Variants in DLG2 observed in about 807,000 individuals in gnomAD.
The protein encoded by DLG2 is discs large MAGUK scaffold protein 2.
In DLG2, 45 loss-of-function variants were observed where a neutral mutation model predicts 132.5. The ratio of observed to expected loss-of-function variants is 0.34; its 90% CI spans 0.27 to 0.44. DLG2 has a LOEUF of 0.44. Among genes scored for constraint, DLG2 ranks in the 20% least tolerant of loss-of-function variants. DLG2 has a pLI of 1.00. For missense variants in DLG2, 1,045 were observed against 1,196.9 expected, an observed-to-expected ratio of 0.87 and a Z score of 1.87; for synonymous variants, 424 against 419.6, an observed-to-expected ratio of 1.01 and a Z score of -0.13.
At chr11:84,823,727 A>ACTTCCAT (rs1376725268) in intron 6 of DLG2, among the ~76,000 whole-genome samples, 1 of 151,694 alleles carries the variant, frequency 6.6e-6, no homozygotes. Context: ...TTGGAATGTA[A>ACTTCCAT]CTTCCATCAT....
At chr11:83,883,437 T>C (rs7112497) in intron 15 of DLG2, among the ~76,000 whole-genome samples, 1 of 151,914 alleles carries the variant, frequency 6.6e-6, no homozygotes, top group African/African-American at 2.4e-5. Context: ...TTCTTTAAAT[T>C]TAGGTAAGAA....
intron 3 of DLG2, among the ~76,000 whole-genome samples, chr11:85,463,693 C>A (rs915618642): frequency 6.6e-6 from 1 of 151,976 alleles, no homozygotes; most frequent in African/African-American, 2.4e-5. Context: ...ATGACTTGAG[C>A]CCAGGAGTTC....
chr11:85,448,933 C>T (rs1027917840), intron 3 of DLG2, among the ~76,000 whole-genome samples: 4 of 152,152 alleles, frequency 2.6e-5, no homozygotes, highest in African/African-American at 9.7e-5. Context: ...CCCTCCTCCT[C>T]TTCCTTCCAC....
At chr11:85,254,229 G>A (rs940244445) in intron 4 of DLG2, among the ~76,000 whole-genome samples, 1 of 151,996 alleles carries the variant, frequency 6.6e-6, no homozygotes, top group Non-Finnish European at 1.5e-5. Flanking sequence ...AGTAAACTAA[G>A]GTACATATTA....
At chr11:83,715,107 G>T (rs187598225) in intron 18 of DLG2, among the ~76,000 whole-genome samples, 3 of 152,220 alleles carry the variant, frequency 2.0e-5, no homozygotes, top group Admixed American at 1.3e-4. Flanking sequence ...TCATGTCCTT[G>T]CAAGGACATG....
intron 3 of DLG2, among the ~76,000 whole-genome samples, chr11:85,507,489 T>C (rs571272602): frequency 6.6e-6 from 1 of 152,312 alleles, no homozygotes; most frequent in South Asian, 2.1e-4. Context: ...TGGTTGGATA[T>C]GAAATTCTGG....
chr11:85,235,543 T>C lies in DLG2; in HGVS notation c.186+49677A>G, dbSNP rs148419639. 2.2e-3 allele frequency among the ~76,000 whole-genome samples: 332 copies of C among 152,012 alleles called. 1 individual carries two copies. Among genetic ancestry groups the C allele is most frequent in the Non-Finnish European group, 2.1e-3 (141 of 67,904 alleles). Reference sequence around the variant, plus strand: ...CTTCCAAAAATGAACTGAAACCTAATGAATGAGTAGAATTTTAACAAGGGA... The same window carrying C: ...CTTCCAAAAATGAACTGAAACCTAACGAATGAGTAGAATTTTAACAAGGGA... On this transcript the variant is annotated intron_variant, in intron 4 of 27. Coordinates refer to ENST00000376104, the MANE Select transcript of DLG2 (RefSeq NM_001142699.3).
At chr11:85,258,505 C>G (rs933107757) in intron 4 of DLG2, among the ~76,000 whole-genome samples, 2 of 151,974 alleles carry the variant, frequency 1.3e-5, no homozygotes, top group African/African-American at 4.8e-5. Context: ...GAATACAAAC[C>G]CTTAAGGATC....
At chr11:85,552,302 A>G (rs1387067034) in intron 3 of DLG2, among the ~76,000 whole-genome samples, 3 of 151,598 alleles carry the variant, frequency 2.0e-5, no homozygotes, top group East Asian at 1.9e-4. Flanking sequence ...TGGAATACCC[A>G]AAAGAAATAA....
chr11:84,500,717 C>A (rs2099201655), intron 7 of DLG2, among the ~76,000 whole-genome samples: 1 of 152,036 alleles, frequency 6.6e-6, no homozygotes, highest in Non-Finnish European at 1.5e-5. Flanking sequence ...GCATCAATGC[C>A]CTCAAATCTC....
intron 7 of DLG2, among the ~76,000 whole-genome samples, chr11:84,386,539 A>G (rs1434860680): frequency 2.0e-5 from 3 of 152,090 alleles, no homozygotes; most frequent in Non-Finnish European, 2.9e-5. Flanking sequence ...AAGATTGTTG[A>G]TATTTATATT....
intron 4 of DLG2, among the ~76,000 whole-genome samples, chr11:85,268,555 A>G (rs1414189025): frequency 2.6e-5 from 4 of 152,234 alleles, no homozygotes; most frequent in Non-Finnish European, 5.9e-5. Flanking sequence ...AACCTTGGCA[A>G]AATAAAATTT....
intron 9 of DLG2, among the ~76,000 whole-genome samples, chr11:84,143,507 A>G (rs998958803): frequency 2.6e-5 from 4 of 152,208 alleles, no homozygotes; most frequent in African/African-American, 9.6e-5. Context: ...TAATTCACCA[A>G]ACAGGTTTTA....
intron 17 of DLG2, among the ~76,000 whole-genome samples, chr11:83,816,863 TA>T (rs1346491050): frequency 5.3e-5 from 8 of 152,208 alleles, no homozygotes; most frequent in Non-Finnish European, 1.0e-4. Flanking sequence ...CAATATCTTA[TA>T]AATATTCTTC....
intron 20 of DLG2, among the ~76,000 whole-genome samples, chr11:83,539,680 G>A (rs1031924679): frequency 1.3e-5 from 2 of 151,430 alleles, no homozygotes; most frequent in African/African-American, 2.4e-5. Flanking sequence ...ATGAGGTGGA[G>A]CTACTGCACC....
chr11:85,071,785 A>G (rs2065899246), intron 6 of DLG2, among the ~76,000 whole-genome samples: 1 of 151,850 alleles, frequency 6.6e-6, no homozygotes, highest in Non-Finnish European at 1.5e-5. Context: ...GATTCATATG[A>G]TTAGAATAAA....
At chr11:85,381,759 T>A (rs1350779034) in intron 3 of DLG2, among the ~76,000 whole-genome samples, 3 of 151,558 alleles carry the variant, frequency 2.0e-5, no homozygotes. Context: ...ATTTGTAAAT[T>A]TTTTTTTAAA....
intron 10 of DLG2, among the ~76,000 whole-genome samples, chr11:84,087,085 T>C (rs887125745): frequency 6.6e-6 from 1 of 152,238 alleles, no homozygotes; most frequent in African/African-American, 2.4e-5. Flanking sequence ...GTTTCCAGTT[T>C]TTGGCTGTTA....
In DLG2 at chr11:83,554,974, G is replaced by A. The variant is rs567730512; in HGVS notation, c.1941-13116C>T. ...TTTGGAATTTAGAGACAAAACAGATGTAGAAGAAATAATTACCAGTACAAC... is the reference window on the plus strand; with the variant it reads ...TTTGGAATTTAGAGACAAAACAGATATAGAAGAAATAATTACCAGTACAAC... On this transcript the variant is annotated intron_variant, in intron 19 of 27. Coordinates refer to ENST00000376104, the MANE Select transcript of DLG2 (RefSeq NM_001142699.3). Among the ~76,000 whole-genome samples the A allele has an allele frequency of 2.0e-5, 3 of 152,378 alleles. No individual in the cohort carries two copies. In the South Asian group the frequency reaches 6.2e-4, roughly 32 times the overall value.
Sources: allele counts gnomAD v4.1 joint callset (sites outside exome capture counted in the v4.1 genomes callset), GRCh38; gene constraint gnomAD v4.1.1; transcripts MANE v1.5; gene names NCBI Gene and HGNC (gene_info 2026-07-23, HGNC 2026-07-21).